FRMD4B: variants seen among roughly 807,000 people sequenced by gnomAD.
FRMD4B encodes the protein FERM domain-containing protein 4B.
In FRMD4B, 74 loss-of-function variants were observed where a neutral mutation model predicts 141.5. The ratio of observed to expected loss-of-function variants is 0.52; its 90% CI spans 0.43 to 0.63. The LOEUF (loss-of-function observed/expected upper bound fraction) is 0.63. Ranked by LOEUF, FRMD4B falls within the 30% of genes least tolerant of loss-of-function variation. The pLI, the probability that FRMD4B is intolerant of heterozygous loss-of-function variation, is 0.00. For synonymous variants in FRMD4B, 506 were observed against 467.9 expected (o/e 1.08, Z -1.05); for missense variants, 1,366 against 1,253.4 (o/e 1.09, Z -1.36).
Position 69,496,632 on chromosome 3 carries a change from AG to A in FRMD4B, c.-129+45573del, listed in dbSNP as rs1559545621. On this transcript the variant is annotated intron_variant, in intron 1 of 5. Transcript: ENST00000459638. ...GAGAGTGAGAGAGAGAGAGAGAGAG[AG>A]AGAAAGAGAGAGAGAGAGAGAGAGA... 6.2e-3 allele frequency among the ~76,000 whole-genome samples: 490 copies of A among 79,458 alleles called. 1 individual carries two copies. The highest frequency in any genetic ancestry group is 0.024 in the African/African-American group (450 of 18,710). 52.1% of individuals were successfully genotyped at this position (79,458 alleles called of 152,430 possible).
chr3:69,307,090 A>C (rs186792553), intron 3 of FRMD4B, among the ~76,000 whole-genome samples: 2 of 152,192 alleles, frequency 1.3e-5, no homozygotes, highest in Admixed American at 1.3e-4. Context: ...TAGAGCCAGG[A>C]GACACCTCCC....
chr3:69,196,075 C>G (rs1400950310), intron 14 of FRMD4B, among the ~76,000 whole-genome samples, 180 bp downstream of exon 14: 3 of 152,118 alleles, frequency 2.0e-5, no homozygotes, highest in African/African-American at 7.2e-5. Context: ...ATTTGACTTT[C>G]TACATATTCT....
intron 1 of FRMD4B, among the ~76,000 whole-genome samples, chr3:69,371,632 T>C (rs760403596): frequency 1.1e-4 from 16 of 152,060 alleles, no homozygotes; most frequent in Non-Finnish European, 1.9e-4. Context: ...CCCAGGATCA[T>C]GGTGATGAAG....
At chr3:69,231,373 C>A (rs919156482) in intron 7 of FRMD4B, among the ~76,000 whole-genome samples, 1 of 152,182 alleles carries the variant, frequency 6.6e-6, no homozygotes, top group South Asian at 2.1e-4. Flanking sequence ...CTGCAACCTC[C>A]GCCTCCTGGG....
chr3:69,471,683 A>C, intron 1 of FRMD4B: 1 of 171,864 alleles, frequency 5.8e-6, no homozygotes, highest in Non-Finnish European at 1.3e-5. Context: ...CCATTCCTCA[A>C]TGAGCTCTGT....
intron 5 of FRMD4B, 113 bp downstream of exon 5, chr3:69,287,639 G>A (rs2107067892): frequency 3.0e-6 from 2 of 673,668 alleles, no homozygotes; most frequent in Non-Finnish European, 5.4e-6. Context: ...GGAAAAGATT[G>A]TGGCCTTTTT....
chr3:69,237,433 CTCCTG>C (rs2093352374), intron 7 of FRMD4B, among the ~76,000 whole-genome samples: 1 of 152,272 alleles, frequency 6.6e-6, no homozygotes, highest in Non-Finnish European at 1.5e-5. Context: ...ATAAGCCTTT[CTCCTG>C]GCCTCTGGCC....
rs768708668 is a variant in FRMD4B, at chr3:69,193,750, A to C, written c.1612T>G (p.Tyr538Asp). The C allele has an allele frequency of 6.2e-7, 1 of 1,613,636 alleles. No homozygotes were observed. The highest frequency in any genetic ancestry group is 8.5e-7 in the Non-Finnish European group (1 of 1,179,562). The change falls in exon 17 of 23, where the codon TAC becomes GAC. Residue 538 changes from tyrosine (Y) to aspartate (D), a missense_variant. Tyr to Asp is a radical substitution (Grantham distance 160). Coordinates refer to ENST00000398540, the MANE Select transcript of FRMD4B (RefSeq NM_015123.3). ...KTVKKKRKQD[Y>D]TDAMKKLQEI... ...TGAAGCTTTTTCATCGCATCTGTGTAATCTTGCTTTCGCTTTTTCTTCACA... is the reference window on the plus strand; with the variant it reads ...TGAAGCTTTTTCATCGCATCTGTGTCATCTTGCTTTCGCTTTTTCTTCACA...
In FRMD4B at chr3:69,269,087, C is replaced by A. The variant is rs1053697103; in HGVS notation, c.501+18665G>T. Among the ~76,000 whole-genome samples, 59 of 151,652 alleles carry A rather than the reference C, an allele frequency of 3.9e-4. 1 individual carries two copies. Among genetic ancestry groups the A allele is most frequent in the Middle Eastern group, 6.8e-3 (2 of 294 alleles). On this transcript the variant is annotated intron_variant, in intron 5 of 22. Coordinates refer to ENST00000398540, the MANE Select transcript of FRMD4B (RefSeq NM_015123.3). ...GGGATTACAGACATGCACCACCACA[C>A]CCGGCTAATTTTTGTATTTTTAGTA...
chr3:69,329,436 C>T (rs1464434197), intron 1 of FRMD4B, among the ~76,000 whole-genome samples: 4 of 151,816 alleles, frequency 2.6e-5, no homozygotes, highest in Non-Finnish European at 5.9e-5. Flanking sequence ...TGCAACTTCT[C>T]CCTCCCGGGT....
intron 19 of FRMD4B, 74 bp from the exon 20 acceptor site, chr3:69,182,791 T>C (rs2092722338): frequency 7.1e-7 from 1 of 1,405,832 alleles, no homozygotes; most frequent in Admixed American, 2.1e-5. Context: ...CATAAGCAGA[T>C]ACAAAACTTA....
chr3:69,207,703 G>A lies in FRMD4B; in HGVS notation c.876+8560C>T, dbSNP rs187921727. 1.3e-3 allele frequency among the ~76,000 whole-genome samples: 204 copies of A among 152,208 alleles called. 2 individuals carry two copies. Among genetic ancestry groups the A allele is most frequent in the Non-Finnish European group, 2.3e-3 (156 of 68,026 alleles). ...CATGCCTATACTCCCAGCTACTCGG[G>A]AGGCTGAGGCAGGAGAATCACTTGA... On this transcript the variant is annotated intron_variant, in intron 11 of 22. Transcript: ENST00000398540.
At chr3:69,310,845 C>T (rs188920736) in intron 3 of FRMD4B, among the ~76,000 whole-genome samples, 86 of 152,098 alleles carry the variant, frequency 5.7e-4, no homozygotes, top group Non-Finnish European at 9.7e-4. Context: ...AAACTATATA[C>T]ATGTTTTTTA....
chr3:69,481,937 G>C (rs1360844127), intron 1 of FRMD4B, among the ~76,000 whole-genome samples: 1 of 152,190 alleles, frequency 6.6e-6, no homozygotes, highest in African/African-American at 2.4e-5. Flanking sequence ...GACACAGGTA[G>C]AGCCAAGCAG....
At chr3:69,468,653 A>C (rs956908998) in intron 1 of FRMD4B, among the ~76,000 whole-genome samples, 1 of 152,190 alleles carries the variant, frequency 6.6e-6, no homozygotes, top group African/African-American at 2.4e-5. Context: ...TTTGACTGCT[A>C]TCCTGTCTGG....
At chr3:69,211,022 C>CAAAAAAA (rs1559720205) in intron 11 of FRMD4B, among the ~76,000 whole-genome samples, 3 of 3,362 alleles carry the variant, frequency 8.9e-4, no homozygotes, top group African/African-American at 1.8e-3. Context: ...AATGCCATCT[C>CAAAAAAA]GAAAAAAAAA....
intron 1 of FRMD4B, among the ~76,000 whole-genome samples, chr3:69,364,700 G>A (rs2107473567): frequency 6.6e-6 from 1 of 152,152 alleles, no homozygotes; most frequent in East Asian, 1.9e-4. Flanking sequence ...GTCGCTCGTG[G>A]CTATGAAATC....
At chr3:69,490,213 C>T (rs893460276) in intron 1 of FRMD4B, among the ~76,000 whole-genome samples, 4 of 152,224 alleles carry the variant, frequency 2.6e-5, no homozygotes, top group African/African-American at 9.6e-5. Context: ...CATGAACAAA[C>T]ATTTTAAATG....
chr3:69,484,680 G>C (rs1706184766), intron 1 of FRMD4B, among the ~76,000 whole-genome samples: 2 of 151,952 alleles, frequency 1.3e-5, no homozygotes, highest in South Asian at 2.1e-4. Context: ...TCTTAGCAGA[G>C]AGGATAGCTC....
Sources: gnomAD v4.1 joint callset for allele counts (sites outside exome capture counted in the v4.1 genomes callset) on GRCh38, gnomAD v4.1.1 for gene constraint, MANE v1.5 for transcripts, NCBI Gene and HGNC (gene_info 2026-07-23, HGNC 2026-07-21) for gene names.